The following CCR3 variants were observed in gnomAD, a reference collection of about 807,000 sequenced individuals.
CCR3 encodes C-C motif chemokine receptor 3.
For synonymous variants in CCR3, 203 were observed against 179.2 expected (o/e 1.13, Z -1.06); for missense variants, 419 against 437.5 (o/e 0.96, Z 0.38).
chr3:46,246,678 C>T (rs1700197357), intron 1 of CCR3, among the ~76,000 whole-genome samples: 1 of 152,076 alleles, frequency 6.6e-6, no homozygotes, highest in African/African-American at 2.4e-5. Flanking sequence ...CGTATATGTG[C>T]AAGTCACAGG....
chr3:46,231,074 A>G (rs908711217), intron 2 of CCR3, among the ~76,000 whole-genome samples: 2 of 152,032 alleles, frequency 1.3e-5, no homozygotes, highest in African/African-American at 4.8e-5. Context: ...ACAGGCACAC[A>G]CCATCACACC....
rs1700599848 is a variant in CCR3, at chr3:46,265,351, C to A, written c.193C>A (p.Leu65Ile). 1 of 1,614,032 alleles carries A rather than the reference C, an allele frequency of 6.2e-7. No homozygotes were observed. The highest frequency in any genetic ancestry group is 8.5e-7 in the Non-Finnish European group (1 of 1,180,018). The change falls in exon 2 of 2, where the codon CTC becomes ATC. Residue 65 changes from leucine to isoleucine, a missense_variant. Transcript: ENST00000395940. The stretch of plus-strand genomic sequence containing the variant: ...GATGATCCTCATAAAATACAGGAGG[C>A]TCCGAATTATGACCAACATCTACCT... ...VVMILIKYRR[L>I]RIMTNIYLLN...
intron 1 of CCR3, among the ~76,000 whole-genome samples, chr3:46,242,987 A>ATATATATG: frequency 8.8e-6 from 1 of 114,160 alleles, no homozygotes; most frequent in Non-Finnish European, 1.7e-5. Context: ...ATACACATAT[A>ATATATATG]TATATATATA....
At chr3:46,218,342 A>C (rs1363564672) in intron 2 of CCR3, among the ~76,000 whole-genome samples, 5 of 151,798 alleles carry the variant, frequency 3.3e-5, no homozygotes, top group East Asian at 3.9e-4. Flanking sequence ...TTGCCAACAA[A>C]AAAAAAAAGT....
chr3:46,227,797 GT>G (rs1472888483), intron 2 of CCR3, among the ~76,000 whole-genome samples: 1 of 152,100 alleles, frequency 6.6e-6, no homozygotes, highest in Non-Finnish European at 1.5e-5. Flanking sequence ...AGTTAGAAGT[GT>G]TTTTACATTT....
chr3:46,247,259 C>T (rs1157220973), intron 1 of CCR3, among the ~76,000 whole-genome samples: 1 of 151,976 alleles, frequency 6.6e-6, no homozygotes, highest in Admixed American at 6.5e-5. Context: ...GAACAGAGAA[C>T]AGGAGTATGA....
At chr3:46,227,208 T>G (rs1364086830) in intron 2 of CCR3, among the ~76,000 whole-genome samples, 1 of 152,158 alleles carries the variant, frequency 6.6e-6, no homozygotes, top group Non-Finnish European at 1.5e-5. Flanking sequence ...AATCACTCTG[T>G]CATAGATATT....
rs143241112 is a variant in CCR3, at chr3:46,226,005, G to A, written c.-68+15098G>A. 2.1e-3 allele frequency among the ~76,000 whole-genome samples: 324 copies of A among 152,238 alleles called. 2 individuals carry two copies. The highest frequency in any genetic ancestry group is 7.3e-3 in the African/African-American group (304 of 41,552). On this transcript the variant is annotated intron_variant, in intron 2 of 3. Coordinates refer to the CCR3 transcript ENST00000357422. Reference sequence around the variant, plus strand: ...ACAGTTAAGCATATTTGTGAGTCTAGTTCTGAGTTCTCTATTTGTTCTTTG... The same window carrying A: ...ACAGTTAAGCATATTTGTGAGTCTAATTCTGAGTTCTCTATTTGTTCTTTG...
intron 1 of CCR3, among the ~76,000 whole-genome samples, chr3:46,245,406 G>A (rs1157696887): frequency 4.7e-5 from 7 of 148,672 alleles, no homozygotes; most frequent in South Asian, 2.2e-4. Context: ...AAGAACTATC[G>A]TATCATAGAC....
intron 1 of CCR3, among the ~76,000 whole-genome samples, chr3:46,254,443 G>A (rs1700375673): frequency 8.3e-6 from 1 of 120,046 alleles, no homozygotes; most frequent in South Asian, 3.5e-4. Flanking sequence ...AGTTTATAAA[G>A]CATAAAGGGG....
chr3:46,220,646 C>T (rs1699825953), intron 2 of CCR3, among the ~76,000 whole-genome samples: 3 of 152,128 alleles, frequency 2.0e-5, no homozygotes, highest in African/African-American at 2.4e-5. Flanking sequence ...ATGTGATATA[C>T]ATATACCATG....
Position 46,265,763 on chromosome 3 carries a change from G to C in CCR3, c.605G>C (p.Arg202Thr), listed in dbSNP as rs1700615650. Reference sequence around the variant, plus strand: ...AGCTGGAGGCATTTCCACACTCTGAGAATGACCATCTTCTGTCTCGTTCTC... The same window carrying C: ...AGCTGGAGGCATTTCCACACTCTGACAATGACCATCTTCTGTCTCGTTCTC... ...VYSWRHFHTL[R>T]MTIFCLVLPL... Residue 202 changes from arginine (R) to threonine (T), a missense_variant, in exon 2 of 2, where the codon AGA (arginine) becomes ACA (threonine). Coordinates refer to ENST00000395940, the MANE Select transcript of CCR3 (RefSeq NM_178329.3). 2 of 1,613,652 alleles carry C rather than the reference G, an allele frequency of 1.2e-6. No individual in the cohort carries two copies. Among genetic ancestry groups the C allele is most frequent in the Non-Finnish European group, 8.5e-7 (1 of 1,179,994 alleles).
At chr3:46,212,171 C>A (rs927304507) in intron 2 of CCR3, among the ~76,000 whole-genome samples, 2 of 152,166 alleles carry the variant, frequency 1.3e-5, no homozygotes, top group Non-Finnish European at 2.9e-5. Flanking sequence ...GGGCAGGGCC[C>A]AGGCACCTCA....
At chr3:46,220,128 C>G (rs1391901101) in intron 2 of CCR3, among the ~76,000 whole-genome samples, 1 of 152,082 alleles carries the variant, frequency 6.6e-6, no homozygotes, top group African/African-American at 2.4e-5. Flanking sequence ...TTACAAGGAA[C>G]TTAAATCAGC....
intron 1 of CCR3, among the ~76,000 whole-genome samples, chr3:46,244,857 G>T (rs1700161988): frequency 1.3e-5 from 2 of 152,358 alleles, no homozygotes; most frequent in South Asian, 4.1e-4. Flanking sequence ...TGGAAAGGCA[G>T]TGGCTCTCTC....
At chr3:46,225,347 C>T (rs1170063202) in intron 2 of CCR3, among the ~76,000 whole-genome samples, 1 of 152,188 alleles carries the variant, frequency 6.6e-6, no homozygotes, top group Admixed American at 6.5e-5. Context: ...CTTACCATCT[C>T]AATCTTTAAA....
At chr3:46,226,113 T>C (rs1484264696) in intron 2 of CCR3, among the ~76,000 whole-genome samples, 5 of 152,218 alleles carry the variant, frequency 3.3e-5, no homozygotes, top group Non-Finnish European at 4.4e-5. Context: ...AGGTAAGTGA[T>C]TCCTCTCACT....
rs751831677 is a variant in CCR3 at position 46,265,801 on chromosome 3, A to T, written c.643A>T (p.Met215Leu). The stretch of plus-strand genomic sequence containing the variant: ...CTGTCTCGTTCTCCCTCTGCTCGTT[A>T]TGGCCATCTGCTACACAGGAATCAT... ...IFCLVLPLLV[M>L]AICYTGIIKT... Residue 215 changes from methionine to leucine, a missense_variant, in exon 2 of 2, where the codon ATG (methionine) becomes TTG (leucine). Met to Leu is a conservative substitution (Grantham distance 15). Coordinates refer to ENST00000395940, the MANE Select transcript of CCR3 (RefSeq NM_178329.3). 1.9e-6 allele frequency: 3 copies of T among 1,613,892 alleles called. No individual in the cohort carries two copies. Among genetic ancestry groups the T allele is most frequent in the Non-Finnish European group, 8.5e-7 (1 of 1,179,968 alleles).
At chr3:46,240,914 G>A (rs149973912), upstream of CCR3, among the ~76,000 whole-genome samples, 265 of 152,276 alleles carry the variant, frequency 1.7e-3, 2 homozygotes, top group African/African-American at 6.1e-3. Flanking sequence ...ACTATCAGTC[G>A]AAAATTTTGT....
Sources: allele counts gnomAD v4.1 joint callset (sites outside exome capture counted in the v4.1 genomes callset), GRCh38; gene constraint gnomAD v4.1.1; transcripts MANE v1.5; gene names NCBI Gene and HGNC (gene_info 2026-07-23, HGNC 2026-07-21).